Variants in KCNC4 observed in about 807,000 individuals in gnomAD.
The protein encoded by KCNC4 is potassium voltage-gated channel subfamily C member 4.
In KCNC4, 23 loss-of-function variants were observed where a neutral mutation model predicts 42.8. That is an observed-to-expected ratio of 0.54 (90% CI 0.39 to 0.76). The LOEUF is 0.76. Ranked by LOEUF, KCNC4 falls within the 30% of genes least tolerant of loss-of-function variation. The pLI is 0.00. For synonymous variants in KCNC4, 422 were observed against 393.5 expected, an observed-to-expected ratio of 1.07 and a Z score of -0.86; for missense variants, 751 against 898.2, an observed-to-expected ratio of 0.84 and a Z score of 2.10.
At chr1:110,227,312 G>A (rs771100586) in intron 3 of KCNC4, among the ~76,000 whole-genome samples, 2 of 152,166 alleles carry the variant, frequency 1.3e-5, no homozygotes, top group Admixed American at 6.5e-5. Context: ...AGGCTCTGTG[G>A]GCACCTTCTA....
At chr1:110,273,372 G>A (rs1423147305) in intron 1 of KCNC4, among the ~76,000 whole-genome samples, 1 of 152,158 alleles carries the variant, frequency 6.6e-6, no homozygotes, top group Non-Finnish European at 1.5e-5. Flanking sequence ...CATTCTATTG[G>A]TACTGCAACA....
At position 110,279,872 on chromosome 1, in the gene KCNC4, C is replaced by G. The variant is rs775250527; in HGVS notation, n.31-2662C>G. Reference sequence around the variant, plus strand: ...GGAGTGCAGTAGCACGATCTCAGCTCGCTGCAACCTCCACCTCCCGGATTC... The same window carrying G: ...GGAGTGCAGTAGCACGATCTCAGCTGGCTGCAACCTCCACCTCCCGGATTC... On this transcript the variant is annotated intron_variant and non_coding_transcript_variant, in intron 1 of 2. Coordinates refer to the KCNC4 transcript ENST00000412512. Among the ~76,000 whole-genome samples, 4 of 143,762 alleles carry G rather than the reference C, an allele frequency of 2.8e-5. No individual in the cohort carries two copies. The East Asian group carries it at 6.3e-4, about 23-fold the overall frequency. The allele number at this position is 143,762 out of a possible 152,430, so 94.3% of individuals were successfully genotyped here. A position where few individuals can be genotyped will look rare whatever the true frequency, so the allele number is the denominator to read the frequency against.
At chr1:110,274,183 C>T (rs1659680061) in intron 1 of KCNC4, among the ~76,000 whole-genome samples, 1 of 152,094 alleles carries the variant, frequency 6.6e-6, no homozygotes, top group South Asian at 2.1e-4. Flanking sequence ...AGTAGCATTT[C>T]TATATGCCAA....
intron 1 of KCNC4, 139 bp downstream of exon 1, chr1:110,212,316 C>A: frequency 1.1e-6 from 1 of 929,516 alleles, no homozygotes; most frequent in East Asian, 3.3e-5. Flanking sequence ...CCTCTCAACC[C>A]CCCTCCGTGG....
At chr1:110,229,592 G>T (rs182498605) in intron 3 of KCNC4, among the ~76,000 whole-genome samples, 2 of 152,230 alleles carry the variant, frequency 1.3e-5, no homozygotes, top group Middle Eastern at 3.4e-3. Flanking sequence ...CAGCCTCTGC[G>T]CTCTGTATTC....
chr1:110,269,865 C>T (rs1368702326), intron 1 of KCNC4, among the ~76,000 whole-genome samples: 1 of 152,142 alleles, frequency 6.6e-6, no homozygotes, highest in Non-Finnish European at 1.5e-5. Flanking sequence ...TGCCAGTTTC[C>T]CCATTCCAAC....
chr1:110,251,733 T>C (rs1659253354), downstream of KCNC4, among the ~76,000 whole-genome samples: 1 of 152,202 alleles, frequency 6.6e-6, no homozygotes, highest in Non-Finnish European at 1.5e-5. Context: ...CAACATTAAC[T>C]CGAATGGTCC....
At chr1:110,230,644 G>A (rs151219040) in intron 3 of KCNC4, among the ~76,000 whole-genome samples, 2 of 152,312 alleles carry the variant, frequency 1.3e-5, no homozygotes, top group South Asian at 2.1e-4. Context: ...GTCCCTGGGC[G>A]ACAAGATGCA....
intron 3 of KCNC4, chr1:110,229,119 C>T (rs1378115014): frequency 6.6e-6 from 1 of 152,278 alleles, no homozygotes; most frequent in Non-Finnish European, 1.5e-5. Context: ...ATTTCCATTC[C>T]TCATAGCCTT....
intron 1 of KCNC4, among the ~76,000 whole-genome samples, chr1:110,268,481 C>T (rs572220134): frequency 6.6e-6 from 1 of 151,784 alleles, no homozygotes; most frequent in Non-Finnish European, 1.5e-5. Context: ...TGGCGGGCGC[C>T]TGTAGTGCCA....
At chr1:110,236,795 A>G (rs1392255172), downstream of KCNC4, 1 of 152,178 alleles carries the variant, frequency 6.6e-6, no homozygotes, top group East Asian at 1.9e-4. Context: ...CCTGATCCCA[A>G]CTACCAGGTG....
chr1:110,220,900 A>G (rs1033294268), intron 1 of KCNC4: 1 of 152,274 alleles, frequency 6.6e-6, no homozygotes, highest in Non-Finnish European at 1.5e-5. Flanking sequence ...AGAAGCAAGC[A>G]GGAAAAACTC....
At chr1:110,246,002 G>T (rs1291648558) in exon 4 of KCNC4, 1 of 152,200 alleles carries the variant, frequency 6.6e-6, no homozygotes, top group African/African-American at 2.4e-5. Context: ...GGGCTTCTCC[G>T]ATGTAAAGGG....
intron 1 of KCNC4, among the ~76,000 whole-genome samples, chr1:110,278,647 C>T (rs1659767277): frequency 6.6e-6 from 1 of 151,980 alleles, no homozygotes; most frequent in African/African-American, 2.4e-5. Flanking sequence ...ATGGCAAGGC[C>T]CAAAATTTAT....
intron 1 of KCNC4, among the ~76,000 whole-genome samples, chr1:110,219,239 C>T (rs927625235): frequency 6.6e-6 from 1 of 152,216 alleles, no homozygotes; most frequent in Non-Finnish European, 1.5e-5. Context: ...ATTCGGCTCA[C>T]CTTCAAAAGC....
chr1:110,247,231 C>CTA (rs1382932584), exon 4 of KCNC4: 1 of 138,182 alleles, frequency 7.2e-6, no homozygotes, highest in East Asian at 2.1e-4. Flanking sequence ...AGTGCAGGTA[C>CTA]TTTTTTTTTT....
At chr1:110,213,940 AGGCCCTATTTCTGAGCATTCT>A (rs1212255887) in intron 1 of KCNC4, among the ~76,000 whole-genome samples, 1 of 152,206 alleles carries the variant, frequency 6.6e-6, no homozygotes, top group Non-Finnish European at 1.5e-5. Flanking sequence ...TAGGGGAGCT[AGGCCCTATTTCTGAGCATTCT>A]GGGACTTCTA....
In KCNC4 at chr1:110,223,772, T is replaced by G. The variant is rs765279902; in HGVS notation, c.1487T>G (p.Val496Gly). The stretch of plus-strand genomic sequence containing the variant: ...CTGCCCAAGAAACGGAAGAAGCACG[T>G]GCCACGGCCGGCGCAGCTGGAGTCA... Reference protein sequence around the residue: ...QKLPKKRKKHVPRPAQLESPM... With the variant: ...QKLPKKRKKHGPRPAQLESPM... Residue 496 changes from valine (V) to glycine (G), a missense_variant, in exon 2 of 4, where the codon GTG (valine) becomes GGG (glycine). Val to Gly is a moderately radical substitution (Grantham distance 109). Around this residue, in one of 4 missense-constraint regions of KCNC4, gnomAD observed 202 missense variants for 181.5 expected, o/e 1.11. Transcript: ENST00000438661. The surrounding 1 kb of genome is among the most constrained non-coding windows in gnomAD (Gnocchi z 7.5). 6.2e-7 allele frequency: 1 copy of G among 1,614,124 alleles called. No homozygotes were observed. The highest frequency in any genetic ancestry group is 1.1e-5 in the South Asian group (1 of 91,084).
chr1:110,263,558 A>G (rs918310377), intron 1 of KCNC4, among the ~76,000 whole-genome samples: 1 of 152,192 alleles, frequency 6.6e-6, no homozygotes, highest in African/African-American at 2.4e-5. Context: ...ACAGACACCC[A>G]GAAATATGTA....
Sources: gnomAD v4.1 joint callset for allele counts (sites outside exome capture counted in the v4.1 genomes callset) on GRCh38, gnomAD v4.1.1 for gene constraint, gnomAD v4.1.1 regional missense constraint, Gnocchi (gnomAD v3.1) non-coding constraint, MANE v1.5 for transcripts, NCBI Gene and HGNC (gene_info 2026-07-23, HGNC 2026-07-21) for gene names.